Variants in ANKFN1 observed in about 807,000 individuals in gnomAD.
ANKFN1 encodes ankyrin repeat and fibronectin type-III domain-containing protein 1.
In ANKFN1, 74 loss-of-function variants were observed where a neutral mutation model predicts 108.7. The observed-to-expected ratio is 0.68, with a 90% confidence interval of 0.56 to 0.83. ANKFN1 has a LOEUF of 0.83. ANKFN1 is among the 40% of genes least tolerant of loss of function. The pLI is 0.00. For missense variants in ANKFN1, 1,505 were observed against 1,382.3 expected (o/e 1.09, Z -1.41); for synonymous variants, 547 against 516.2 (o/e 1.06, Z -0.81).
At chr17:56,391,395 TG>T (rs2047433302) in intron 8 of ANKFN1, among the ~76,000 whole-genome samples, 1 of 148,556 alleles carries the variant, frequency 6.7e-6, no homozygotes, top group African/African-American at 2.5e-5. Flanking sequence ...TGTGTGTGTG[TG>T]TGTGTGTGTG....
At chr17:56,054,048 C>T (rs1598083598) in intron 4 of ANKFN1, among the ~76,000 whole-genome samples, 1 of 152,016 alleles carries the variant, frequency 6.6e-6, no homozygotes, top group Non-Finnish European at 1.5e-5. Flanking sequence ...TATATCACTC[C>T]ATATTAAAAA....
intron 6 of ANKFN1, among the ~76,000 whole-genome samples, chr17:56,358,612 C>A (rs2046434435): frequency 6.6e-6 from 1 of 152,170 alleles, no homozygotes; most frequent in Non-Finnish European, 1.5e-5. Flanking sequence ...AAATAATATT[C>A]TTTCCTTGCA....
At chr17:56,251,462 A>G (rs1332563649) in intron 3 of ANKFN1, among the ~76,000 whole-genome samples, 1 of 152,216 alleles carries the variant, frequency 6.6e-6, no homozygotes, top group Non-Finnish European at 1.5e-5. Flanking sequence ...TGGTTTTCTT[A>G]AAAATGAAGC....
At chr17:56,311,434 A>C (rs2045023080) in intron 3 of ANKFN1, among the ~76,000 whole-genome samples, 1 of 152,214 alleles carries the variant, frequency 6.6e-6, no homozygotes, top group South Asian at 2.1e-4. Flanking sequence ...AAATGTACCG[A>C]ACTCCAAAAC....
intron 1 of ANKFN1, among the ~76,000 whole-genome samples, chr17:56,185,600 T>C (rs1912121453): frequency 6.6e-6 from 1 of 152,182 alleles, no homozygotes; most frequent in South Asian, 2.1e-4. Context: ...GAGGGAATTC[T>C]AGGGAGGAGA....
chr17:56,119,244 C>T (rs1161642843), intron 4 of ANKFN1, among the ~76,000 whole-genome samples: 1 of 152,140 alleles, frequency 6.6e-6, no homozygotes, highest in South Asian at 2.1e-4. Context: ...CCTTGAGGAA[C>T]TTTGACATTT....
chr17:56,227,401 A>G (rs1236279269), intron 2 of ANKFN1, among the ~76,000 whole-genome samples: 1 of 152,150 alleles, frequency 6.6e-6, no homozygotes, highest in Non-Finnish European at 1.5e-5. Context: ...CATCTCCCAC[A>G]AAAGCTTTCT....
At chr17:56,312,669 T>G (rs1242514527) in intron 3 of ANKFN1, among the ~76,000 whole-genome samples, 1 of 152,148 alleles carries the variant, frequency 6.6e-6, no homozygotes, top group Non-Finnish European at 1.5e-5. Flanking sequence ...TCTCCAAACC[T>G]GCATCTGATT....
intron 4 of ANKFN1, among the ~76,000 whole-genome samples, chr17:56,341,902 C>A (rs1298656240): frequency 6.6e-6 from 1 of 152,022 alleles, no homozygotes; most frequent in East Asian, 1.9e-4. Flanking sequence ...CTTTGTACAT[C>A]TGGTAGAATT....
At chr17:56,237,517 G>A (rs996136885) in intron 3 of ANKFN1, among the ~76,000 whole-genome samples, 3 of 152,060 alleles carry the variant, frequency 2.0e-5, no homozygotes, top group African/African-American at 7.2e-5. Flanking sequence ...TTGGGAGGGT[G>A]TATATGTCAG....
At chr17:56,418,799 T>TAAA (rs34391024) in intron 8 of ANKFN1, among the ~76,000 whole-genome samples, 1 of 138,830 alleles carries the variant, frequency 7.2e-6, no homozygotes, top group Non-Finnish European at 1.6e-5. Context: ...CTTTCTAAGT[T>TAAA]AAAAAAAAAA....
At chr17:56,389,008 C>CAA (rs61666228) in intron 8 of ANKFN1, among the ~76,000 whole-genome samples, 28 of 92,908 alleles carry the variant, frequency 3.0e-4, no homozygotes, top group African/African-American at 4.8e-4. Context: ...TTGGCAATTT[C>CAA]AAAAAAAAAA....
Position 56,440,322 on chromosome 17 carries a change from TC to T in ANKFN1, c.911-3del. 1 of 1,599,380 alleles carries T rather than the reference TC, an allele frequency of 6.3e-7. No individual in the cohort carries two copies. The highest frequency in any genetic ancestry group is 8.6e-7 in the Non-Finnish European group (1 of 1,167,996). On this transcript the variant is annotated splice_region_variant and splice_polypyrimidine_tract_variant and intron_variant, in intron 8 of 20. Coordinates refer to ENST00000682825, the MANE Select transcript of ANKFN1 (RefSeq NM_001370326.1). ...TCTCTCTCCCTGCCCCCCTACTCCC[TC>T]CAGTGGAATGGAGTATGTCCGAAGA...
At chr17:56,068,304 G>A (rs1905084283) in intron 4 of ANKFN1, among the ~76,000 whole-genome samples, 1 of 152,180 alleles carries the variant, frequency 6.6e-6, no homozygotes, top group Non-Finnish European at 1.5e-5. Flanking sequence ...TTACAAAGGT[G>A]TGGGCCGTGT....
rs774674951 is a variant in ANKFN1, at chr17:56,085,537, G to A, written c.288+39212G>A. On this transcript the variant is annotated intron_variant, in intron 4 of 12. Coordinates refer to the ANKFN1 transcript ENST00000635860. ...TTTCAGACTTCTGGGTTCCAGAACT[G>A]AGGGAGAATAAATTTTTATTGTTTT... 4.6e-5 allele frequency among the ~76,000 whole-genome samples: 7 copies of A among 151,070 alleles called. 1 individual carries two copies. Among genetic ancestry groups the A allele is most frequent in the African/African-American group, 7.3e-5 (3 of 41,146 alleles).
chr17:56,244,549 ATGAG>A (rs1485277355), intron 3 of ANKFN1, among the ~76,000 whole-genome samples: 3 of 152,168 alleles, frequency 2.0e-5, no homozygotes, highest in African/African-American at 7.2e-5. Flanking sequence ...AGAAATCTGA[ATGAG>A]TGAGTGATGT....
chr17:56,481,945 C>A (rs2050720368), intron 17 of ANKFN1, among the ~76,000 whole-genome samples: 1 of 151,800 alleles, frequency 6.6e-6, no homozygotes, highest in Non-Finnish European at 1.5e-5. Flanking sequence ...ACAGTGCATA[C>A]AACTTTTTTT....
intron 4 of ANKFN1, among the ~76,000 whole-genome samples, chr17:56,057,890 G>A (rs980830946): frequency 2.6e-5 from 4 of 152,242 alleles, no homozygotes; most frequent in East Asian, 3.9e-4. Context: ...GATCTCCATC[G>A]GAGATCATCT....
intron 3 of ANKFN1, among the ~76,000 whole-genome samples, chr17:56,322,282 C>T (rs746553856): frequency 2.0e-5 from 3 of 152,152 alleles, no homozygotes; most frequent in African/African-American, 7.2e-5. Context: ...TCCTCCCCAT[C>T]CCCCACCTAT....
Sources: allele counts gnomAD v4.1 joint callset (sites outside exome capture counted in the v4.1 genomes callset), GRCh38; gene constraint gnomAD v4.1.1; transcripts MANE v1.5; gene names NCBI Gene and HGNC (gene_info 2026-07-23, HGNC 2026-07-21).